DPP6: variants seen among roughly 807,000 people sequenced by gnomAD.
DPP6 encodes A-type potassium channel modulatory protein DPP6.
In DPP6, 69 loss-of-function variants were observed where a neutral mutation model predicts 122.6. The ratio of observed to expected loss-of-function variants is 0.56; its 90% CI spans 0.46 to 0.69. The LOEUF (loss-of-function observed/expected upper bound fraction) is 0.69, where lower values mean the gene tolerates loss of function less well. Ranked by LOEUF, DPP6 falls within the 30% of genes least tolerant of loss-of-function variation. The pLI, the probability that DPP6 is intolerant of heterozygous loss-of-function variation, is 0.00. For missense variants in DPP6, 928 were observed against 1,116.9 expected, an observed-to-expected ratio of 0.83 and a Z score of 2.41; for synonymous variants, 418 against 433.1, an observed-to-expected ratio of 0.97 and a Z score of 0.43.
chr7:154,467,984 G>C (rs1294096218), intron 2 of DPP6, among the ~76,000 whole-genome samples: 1 of 152,110 alleles, frequency 6.6e-6, no homozygotes, highest in Non-Finnish European at 1.5e-5. Context: ...TATCTTTCTC[G>C]ACAGTGAATC....
At chr7:154,767,319 C>T (rs988908925) in intron 8 of DPP6, among the ~76,000 whole-genome samples, 3 of 152,132 alleles carry the variant, frequency 2.0e-5, no homozygotes, top group Admixed American at 6.5e-5. Context: ...GCAGCGCAGA[C>T]GTGATTGAGC....
intron 11 of DPP6, among the ~76,000 whole-genome samples, chr7:154,794,580 G>C (rs1367461487): frequency 6.6e-6 from 1 of 152,166 alleles, no homozygotes; most frequent in African/African-American, 2.4e-5. Context: ...CCCAGACCCC[G>C]CCGACAGCCT....
At chr7:154,780,172 C>T (rs954657083) in intron 10 of DPP6, among the ~76,000 whole-genome samples, 1 of 152,146 alleles carries the variant, frequency 6.6e-6, no homozygotes, top group Admixed American at 6.5e-5. Flanking sequence ...AAGCCATTCC[C>T]AGTGACTAGG....
intron 1 of DPP6, among the ~76,000 whole-genome samples, chr7:154,002,956 T>C (rs551339056): frequency 6.6e-6 from 1 of 152,256 alleles, no homozygotes; most frequent in South Asian, 2.1e-4. Context: ...GAAATGTCAG[T>C]GTCGCTTCCC....
intron 1 of DPP6, among the ~76,000 whole-genome samples, chr7:153,997,384 A>G (rs912673173): frequency 1.5e-4 from 23 of 152,044 alleles, no homozygotes; most frequent in African/African-American, 4.8e-4. Context: ...ACTTCCCATT[A>G]TGTCTGAGTC....
At chr7:154,620,417 C>T (rs1175913660) in intron 5 of DPP6, among the ~76,000 whole-genome samples, 1 of 152,154 alleles carries the variant, frequency 6.6e-6, no homozygotes, top group Non-Finnish European at 1.5e-5. Context: ...ATCTCAAAGG[C>T]AAAACATACT....
chr7:154,762,749 G>A (rs956626783), intron 8 of DPP6, among the ~76,000 whole-genome samples: 10 of 152,192 alleles, frequency 6.6e-5, no homozygotes, highest in African/African-American at 2.4e-4. Context: ...TAAAAACTCA[G>A]GAACATTTTA....
chr7:154,621,140 T>C (rs1406368562), intron 5 of DPP6, among the ~76,000 whole-genome samples: 1 of 152,194 alleles, frequency 6.6e-6, no homozygotes, highest in Non-Finnish European at 1.5e-5. Flanking sequence ...AAAAATTATT[T>C]CCTCTCTGTT....
chr7:154,501,555 G>A lies in DPP6; in HGVS notation c.457+26518G>A, dbSNP rs118189422. ...AGTTTGGGCTGTAGCTTCAGAGGGT[G>A]CAAGCCCCAAGTCTTGGCTGCTTCC... On this transcript the variant is annotated intron_variant, in intron 3 of 25. Transcript: ENST00000377770. 3.7e-3 allele frequency among the ~76,000 whole-genome samples: 569 copies of A among 152,338 alleles called. 2 individuals are homozygous for A. The highest frequency in any genetic ancestry group is 6.6e-3 in the Non-Finnish European group (452 of 68,040).
intron 1 of DPP6, among the ~76,000 whole-genome samples, chr7:154,378,994 G>C (rs929628428): frequency 6.6e-6 from 1 of 152,118 alleles, no homozygotes; most frequent in Admixed American, 6.5e-5. Context: ...AACGTGTGGG[G>C]ATTACAGTTC....
the DPP6 span, among the ~76,000 whole-genome samples, chr7:153,855,267 C>A: frequency 6.9e-6 from 1 of 144,474 alleles, no homozygotes; most frequent in South Asian, 2.3e-4. Context: ...AAAATAATAC[C>A]TATAAAAAAA....
chr7:154,663,933 G>A (rs1210220490), intron 6 of DPP6, among the ~76,000 whole-genome samples: 141 of 83,378 alleles, frequency 1.7e-3, no homozygotes, highest in African/African-American at 4.8e-3. Flanking sequence ...TAGTGTTCAT[G>A]TAGTCAAGAT....
At chr7:153,989,231 G>A (rs1321947081) in intron 1 of DPP6, among the ~76,000 whole-genome samples, 1 of 132,140 alleles carries the variant, frequency 7.6e-6, no homozygotes, top group Non-Finnish European at 1.6e-5. Context: ...AAGTGTGAGC[G>A]TGTCACAGTG....
intron 2 of DPP6, among the ~76,000 whole-genome samples, chr7:154,453,101 G>A (rs1174149904): frequency 6.6e-6 from 1 of 152,178 alleles, no homozygotes; most frequent in Non-Finnish European, 1.5e-5. Flanking sequence ...TGGAAACACC[G>A]TGACCTTCTC....
chr7:153,877,020 G>T, the DPP6 span, among the ~76,000 whole-genome samples: 1 of 152,074 alleles, frequency 6.6e-6, no homozygotes, highest in South Asian at 2.1e-4. Flanking sequence ...GGAGTGAGTG[G>T]TGAGTGAATG....
intron 1 of DPP6, among the ~76,000 whole-genome samples, chr7:154,393,398 A>C (rs1015511973): frequency 2.0e-5 from 3 of 152,188 alleles, no homozygotes; most frequent in African/African-American, 7.2e-5. Flanking sequence ...ACTGTTTATG[A>C]CTTTTCTTTA....
chr7:153,877,997 A>G, the DPP6 span, among the ~76,000 whole-genome samples: 1 of 152,230 alleles, frequency 6.6e-6, no homozygotes, highest in Non-Finnish European at 1.5e-5. Context: ...CCAAATTACT[A>G]AGAAACATAT....
At chr7:154,391,180 G>C (rs996406085) in intron 1 of DPP6, among the ~76,000 whole-genome samples, 3 of 152,196 alleles carry the variant, frequency 2.0e-5, no homozygotes, top group Admixed American at 6.5e-5. Flanking sequence ...TGCCACGCGT[G>C]GGGGCGGTTC....
At chr7:154,374,555 G>C (rs1812951983) in intron 1 of DPP6, among the ~76,000 whole-genome samples, 1 of 151,580 alleles carries the variant, frequency 6.6e-6, no homozygotes. Context: ...AGAATGGGCT[G>C]ACATTATAGG....
Sources: gnomAD v4.1 joint callset for allele counts (sites outside exome capture counted in the v4.1 genomes callset) on GRCh38, gnomAD v4.1.1 for gene constraint, MANE v1.5 for transcripts, NCBI Gene and HGNC (gene_info 2026-07-23, HGNC 2026-07-21) for gene names.